The following DMD variants were observed in gnomAD, a reference collection of about 807,000 sequenced individuals.
DMD encodes the protein mutant dystrophin.
DMD carries 63 observed loss-of-function variants against 330.1 expected under a neutral mutation model. The observed-to-expected ratio is 0.19, with a 90% confidence interval of 0.16 to 0.24. The LOEUF (loss-of-function observed/expected upper bound fraction) is 0.24, where lower values mean the gene tolerates loss of function less well. DMD is among the 10% of genes least tolerant of loss of function. DMD has a pLI of 1.00. For synonymous variants in DMD, 1,223 were observed against 959.8 expected (o/e 1.27, Z -5.07); for missense variants, 3,344 against 2,684.1 (o/e 1.25, Z -5.43).
At chrX:32,756,117 T>G (rs1417576227) in intron 7 of DMD, 1 of 112,354 alleles carries the variant, frequency 8.9e-6, no homozygotes, top group African/African-American at 3.2e-5. Flanking sequence ...TAGTAACATT[T>G]TCATATAAGT....
intron 2 of DMD, among the ~76,000 whole-genome samples, chrX:32,922,685 C>A (rs1339586550): frequency 2.7e-5 from 3 of 112,468 alleles, no homozygotes. Context: ...TTGCCCGGGG[C>A]TCACTTCCTG....
chrX:32,984,780 G>A (rs1187974149), intron 2 of DMD, among the ~76,000 whole-genome samples: 1 of 111,199 alleles, frequency 9.0e-6, no homozygotes, highest in Non-Finnish European at 1.9e-5. Flanking sequence ...TTTGTTCAGA[G>A]CTGCTTCTCG....
intron 76 of DMD, among the ~76,000 whole-genome samples, chrX:31,141,801 C>T (rs2036090660): frequency 9.0e-6 from 1 of 111,451 alleles, no homozygotes; most frequent in African/African-American, 3.3e-5. Flanking sequence ...GAAATCTTGA[C>T]TTAAGAGTTG....
chrX:32,086,838 A>G (rs73454095), intron 44 of DMD, among the ~76,000 whole-genome samples: 1,500 of 111,950 alleles, frequency 0.013, 40 homozygotes, highest in African/African-American at 0.046. Flanking sequence ...TCTTCCGAAG[A>G]AAAAGAAAAA....
intron 44 of DMD, among the ~76,000 whole-genome samples, chrX:32,095,318 C>T (rs2096498092): frequency 8.9e-6 from 1 of 111,913 alleles, no homozygotes; most frequent in Non-Finnish European, 1.9e-5. Context: ...TCCATAGTTT[C>T]AAGCCTAGAT....
intron 44 of DMD, among the ~76,000 whole-genome samples, chrX:32,035,985 T>C (rs2095941885): frequency 9.0e-6 from 1 of 111,543 alleles, no homozygotes; most frequent in Non-Finnish European, 1.9e-5. Flanking sequence ...CTGAAAGGAC[T>C]TAAGTCCATC....
chrX:32,179,556 A>T (rs1247568061), intron 44 of DMD, among the ~76,000 whole-genome samples: 1 of 112,230 alleles, frequency 8.9e-6, no homozygotes, highest in Non-Finnish European at 1.9e-5. Flanking sequence ...AAAGAAATAA[A>T]CTTTTGTCCT....
At chrX:31,530,622 C>G (rs187889136) in intron 55 of DMD, among the ~76,000 whole-genome samples, 1 of 100,830 alleles carries the variant, frequency 9.9e-6, no homozygotes. Context: ...TTGGTATATA[C>G]CTAGATAATA....
intron 34 of DMD, among the ~76,000 whole-genome samples, chrX:32,369,300 A>C (rs1182601007): frequency 9.0e-6 from 1 of 111,463 alleles, no homozygotes; most frequent in Non-Finnish European, 1.9e-5. Flanking sequence ...ATAATGAGTT[A>C]ATTTCTTCCA....
intron 13 of DMD, among the ~76,000 whole-genome samples, chrX:32,574,570 G>T (rs1408085059): frequency 1.8e-5 from 2 of 111,563 alleles, no homozygotes; most frequent in Admixed American, 1.9e-4. Context: ...TTTCAAAATG[G>T]CAGTTAGCTC....
At chrX:32,483,146 C>CATATATATATATATATAT (rs201134649) in intron 21 of DMD, among the ~76,000 whole-genome samples, 412 of 39,226 alleles carry the variant, frequency 0.011, 12 homozygotes, top group African/African-American at 0.026. Context: ...TTTTTCATTC[C>CATATATATATATATATAT]ATATATATAT....
At chrX:31,356,923 C>CATTTTTT (rs1252522600) in intron 60 of DMD, among the ~76,000 whole-genome samples, 2 of 64,882 alleles carry the variant, frequency 3.1e-5, no homozygotes. Context: ...ATTTCTTCTG[C>CATTTTTT]CTTTTTTTTT....
chrX:31,949,133 A>G (rs1022950880), intron 45 of DMD, among the ~76,000 whole-genome samples: 1 of 110,955 alleles, frequency 9.0e-6, no homozygotes, highest in African/African-American at 3.3e-5. Flanking sequence ...CTATATATAA[A>G]TTGTGGGATC....
chrX:33,009,470 G>GTATA (rs2093560331), intron 2 of DMD, among the ~76,000 whole-genome samples: 1 of 81,639 alleles, frequency 1.2e-5, no homozygotes, highest in Admixed American at 1.2e-4. Context: ...ACACATATGT[G>GTATA]TGTATGTGTA....
chrX:32,252,761 TAA>T (rs1735939953), intron 43 of DMD, among the ~76,000 whole-genome samples: 2 of 29,930 alleles, frequency 6.7e-5, no homozygotes, highest in Non-Finnish European at 8.4e-5. Flanking sequence ...TATAAATATA[TAA>T]ATATATATAA....
chrX:31,156,036 C>T (rs1275026104), intron 74 of DMD, among the ~76,000 whole-genome samples: 4 of 110,664 alleles, frequency 3.6e-5, no homozygotes, highest in Admixed American at 9.6e-5. Context: ...CAGCTTTAGA[C>T]ATCTTTATCA....
intron 57 of DMD, 39 bp from the exon 58 acceptor site, chrX:31,479,142 T>A (rs749241484): frequency 8.3e-7 from 1 of 1,206,719 alleles, no homozygotes; most frequent in Non-Finnish European, 1.1e-6. Flanking sequence ...ATTTGGCTTG[T>A]GGCATTCTTC....
intron 42 of DMD, among the ~76,000 whole-genome samples, chrX:32,288,129 C>T (rs1019780076): frequency 2.7e-5 from 3 of 111,001 alleles, no homozygotes; most frequent in East Asian, 5.6e-4. Flanking sequence ...ATCTCAAGCC[C>T]GGACATCTCC....
intron 62 of DMD, among the ~76,000 whole-genome samples, chrX:31,275,533 G>C (rs2052040076): frequency 2.7e-5 from 3 of 111,365 alleles, no homozygotes; most frequent in Non-Finnish European, 5.6e-5. Flanking sequence ...CAAAGAATTG[G>C]AAGCCTCTTT....
Sources: gnomAD v4.1 joint callset for allele counts (sites outside exome capture counted in the v4.1 genomes callset) on GRCh38, gnomAD v4.1.1 for gene constraint, MANE v1.5 for transcripts, NCBI Gene and HGNC (gene_info 2026-07-23, HGNC 2026-07-21) for gene names.